LRBA: variants seen among roughly 807,000 people sequenced by gnomAD.
LRBA encodes the protein lipopolysaccharide-responsive and beige-like anchor protein.
A neutral mutation model predicts 330.0 loss-of-function variants in LRBA; 176 were observed. The ratio of observed to expected loss-of-function variants is 0.53; its 90% CI spans 0.47 to 0.60. The LOEUF (loss-of-function observed/expected upper bound fraction) is 0.60. Among genes scored for constraint, LRBA ranks in the 20% least tolerant of loss-of-function variants. LRBA has a pLI of 0.00. For missense variants in LRBA, 3,259 were observed against 3,444.8 expected, an observed-to-expected ratio of 0.95 and a Z score of 1.35; for synonymous variants, 1,230 against 1,193.0, an observed-to-expected ratio of 1.03 and a Z score of -0.64.
chr4:150,612,272 G>C (rs1775351433), intron 37 of LRBA, among the ~76,000 whole-genome samples: 1 of 152,008 alleles, frequency 6.6e-6, no homozygotes, highest in African/African-American at 2.4e-5. Flanking sequence ...TTTACATGAA[G>C]AAAAACCCTG....
intron 37 of LRBA, among the ~76,000 whole-genome samples, chr4:150,614,800 G>T (rs926673961): frequency 6.6e-6 from 1 of 152,150 alleles, no homozygotes; most frequent in East Asian, 1.9e-4. Flanking sequence ...ATCTCCCTAA[G>T]TCATGTAACA....
chr4:150,720,314 T>A (rs997745395), intron 36 of LRBA, among the ~76,000 whole-genome samples: 2 of 152,038 alleles, frequency 1.3e-5, no homozygotes, highest in African/African-American at 2.4e-5. Context: ...TGAAAAAGTA[T>A]CTCAAGGAGT....
chr4:150,838,248 T>C lies in LRBA; in HGVS notation c.4569+5852A>G, dbSNP rs142180271. Reference sequence around the variant, plus strand: ...ATTTTTTCCTTCATTTCAACTTTGGTGAATTTCACAATTATGTGTCTTGGA... The same window carrying C: ...ATTTTTTCCTTCATTTCAACTTTGGCGAATTTCACAATTATGTGTCTTGGA... On this transcript the variant is annotated intron_variant, in intron 28 of 56. Transcript: ENST00000651943. Among the ~76,000 whole-genome samples, 361 of 152,324 alleles carry C rather than the reference T, an allele frequency of 2.4e-3. 1 individual carries two copies. The highest frequency in any genetic ancestry group is 8.0e-3 in the African/African-American group (332 of 41,562).
At chr4:150,479,256 G>A (rs1361923864) in intron 42 of LRBA, among the ~76,000 whole-genome samples, 1 of 152,130 alleles carries the variant, frequency 6.6e-6, no homozygotes, top group Non-Finnish European at 1.5e-5. Flanking sequence ...TCCAGCCTGG[G>A]TGACATAGCA....
chr4:151,003,238 C>T (rs1268782068), intron 2 of LRBA, among the ~76,000 whole-genome samples: 1 of 151,330 alleles, frequency 6.6e-6, no homozygotes, highest in African/African-American at 2.4e-5. Context: ...CCACTAAAAA[C>T]ACAAAAAAAT....
At chr4:150,483,626 G>A (rs910496583) in intron 42 of LRBA, among the ~76,000 whole-genome samples, 1 of 151,808 alleles carries the variant, frequency 6.6e-6, no homozygotes, top group Non-Finnish European at 1.5e-5. Flanking sequence ...GAGCCACCAT[G>A]CCTGGCCATC....
intron 22 of LRBA, among the ~76,000 whole-genome samples, chr4:150,863,468 C>A (rs1752226875): frequency 6.6e-6 from 1 of 152,052 alleles, no homozygotes; most frequent in African/African-American, 2.4e-5. Flanking sequence ...TCGAGACCAG[C>A]CTGGCCAATA....
chr4:150,581,655 G>A (rs1771354032), intron 40 of LRBA: 1 of 155,888 alleles, frequency 6.4e-6, no homozygotes, highest in Admixed American at 6.5e-5. Context: ...CTTTGCTACT[G>A]ATAAGAGAGG....
intron 44 of LRBA, among the ~76,000 whole-genome samples, chr4:150,442,592 G>A (rs1751985231): frequency 6.6e-6 from 1 of 152,174 alleles, no homozygotes; most frequent in African/African-American, 2.4e-5. Context: ...CAGTACTGAA[G>A]AAGGTGCATG....
chr4:150,390,612 T>C (rs1743779848), intron 47 of LRBA, among the ~76,000 whole-genome samples: 1 of 152,114 alleles, frequency 6.6e-6, no homozygotes, highest in African/African-American at 2.4e-5. Context: ...CCTCAAGGAA[T>C]TTTTACCCAA....
At chr4:150,323,047 G>A (rs1732764489) in intron 49 of LRBA, among the ~76,000 whole-genome samples, 1 of 124,224 alleles carries the variant, frequency 8.0e-6, no homozygotes, top group South Asian at 2.5e-4. Flanking sequence ...ATGGTTGATG[G>A]GGGAGCTCAT....
intron 37 of LRBA, among the ~76,000 whole-genome samples, chr4:150,622,688 C>CTTTTTTTTTTTTTTTTTTTTT (rs10528461): frequency 3.8e-5 from 4 of 105,662 alleles, no homozygotes; most frequent in African/African-American, 1.7e-4. Flanking sequence ...CTAAATCAAT[C>CTTTTTTTTTTTTTTTTTTTTT]TTTTTTTTTT....
intron 53 of LRBA, among the ~76,000 whole-genome samples, chr4:150,291,108 C>A (rs575417904): frequency 8.9e-6 from 1 of 112,970 alleles, no homozygotes; most frequent in Non-Finnish European, 1.7e-5. Context: ...CCTCCCCCCT[C>A]CCCCCACCCC....
At chr4:150,541,628 C>A (rs1005398313) in intron 40 of LRBA, among the ~76,000 whole-genome samples, 2 of 151,928 alleles carry the variant, frequency 1.3e-5, no homozygotes, top group African/African-American at 2.4e-5. Context: ...TGTCTAGTAC[C>A]GTTTTATGCT....
chr4:150,479,114 T>C (rs1177710157), intron 42 of LRBA, among the ~76,000 whole-genome samples: 1 of 151,534 alleles, frequency 6.6e-6, no homozygotes, highest in Non-Finnish European at 1.5e-5. Context: ...CAAGACAGCA[T>C]CTCTTAAAAA....
At position 150,371,182 on chromosome 4, in the gene LRBA, A is replaced by ATTTTTTTTT. The variant is rs70937395; in HGVS notation, c.7195-21032_7195-21024dup. On this transcript the variant is annotated intron_variant, in intron 47 of 56. Transcript: ENST00000651943. Reference sequence around the variant, plus strand: ...AAAAGCATGAGCTGCAAGCTACTAAATTTTTTTTTTTTTTTTTTTTTTTTT... The same window carrying ATTTTTTTTT: ...AAAAGCATGAGCTGCAAGCTACTAAATTTTTTTTTTTTTTTTTTTTTTTTTTTTTTTTTT... Among the ~76,000 whole-genome samples, 574 of 91,912 alleles carry ATTTTTTTTT rather than the reference A, an allele frequency of 6.2e-3. 50 individuals are homozygous for ATTTTTTTTT. The highest frequency in any genetic ancestry group is 0.025 in the African/African-American group (529 of 20,814). The allele number at this position is 91,912 out of a possible 152,430, so 60.3% of individuals were successfully genotyped here.
intron 9 of LRBA, among the ~76,000 whole-genome samples, chr4:150,911,621 T>C (rs1264775898): frequency 3.3e-5 from 5 of 152,216 alleles, no homozygotes; most frequent in Admixed American, 6.5e-5. Context: ...GATTTTTCCA[T>C]CAATATTCAT....
intron 27 of LRBA, 126 bp downstream of exon 27, chr4:150,844,532 C>T (rs1235190024): frequency 4.1e-6 from 3 of 732,734 alleles, no homozygotes; most frequent in South Asian, 2.5e-5. Context: ...ATGTTATATG[C>T]AGGCCTAAAG....
intron 43 of LRBA, among the ~76,000 whole-genome samples, chr4:150,471,055 C>G (rs1167277813): frequency 6.6e-6 from 1 of 152,122 alleles, no homozygotes; most frequent in Non-Finnish European, 1.5e-5. Flanking sequence ...ACAAGAAAAT[C>G]GTTCTTCGCA....
Sources: gnomAD v4.1 joint callset for allele counts (sites outside exome capture counted in the v4.1 genomes callset) on GRCh38, gnomAD v4.1.1 for gene constraint, MANE v1.5 for transcripts, NCBI Gene and HGNC (gene_info 2026-07-23, HGNC 2026-07-21) for gene names.